Variants in SMC6 observed in about 807,000 individuals in gnomAD.
The protein encoded by SMC6 is structural maintenance of chromosomes protein 6.
SMC6 carries 79 observed loss-of-function variants against 142.2 expected under a neutral mutation model. That is an observed-to-expected ratio of 0.56 (90% confidence interval 0.46 to 0.67). The LOEUF (loss-of-function observed/expected upper bound fraction) is 0.67, where lower values mean the gene tolerates loss of function less well. SMC6 is among the 30% of genes least tolerant of loss of function. SMC6 has a pLI of 0.00. For missense variants in SMC6, 1,072 were observed against 1,284.0 expected (o/e 0.83, Z 2.52); for synonymous variants, 411 against 412.4 (o/e 1.00, Z 0.04).
At chr2:17,735,026 T>C (rs1397082062) in intron 5 of SMC6, among the ~76,000 whole-genome samples, 2 of 152,108 alleles carry the variant, frequency 1.3e-5, no homozygotes, top group African/African-American at 4.8e-5. Flanking sequence ...CCACAGTGCC[T>C]GGCCTGCTAT....
At chr2:17,731,591 T>TATG in intron 6 of SMC6, 150 bp downstream of exon 6, 1 of 704,748 alleles carries the variant, frequency 1.4e-6, no homozygotes, top group East Asian at 2.7e-5. Context: ...ATGTGTAACA[T>TATG]ATGCACGTGT....
At position 17,701,744 on chromosome 2, in the gene SMC6, T is replaced by C. The variant is rs765982768; in HGVS notation, c.2223+85A>G. On this transcript the variant is annotated intron_variant, in intron 20 of 27. Transcript: ENST00000448223. The stretch of plus-strand genomic sequence containing the variant: ...AGAGTAGCTTCAATTAAAAGAACTT[T>C]CTAAAAAAGCTGAGTTGATGCCATT... The C allele has an allele frequency of 6.1e-6, 5 of 813,684 alleles. No homozygotes were observed. The African/African-American group carries it at 8.9e-5, about 14-fold the overall frequency. 50.4% of individuals were successfully genotyped at this position (813,684 alleles called of 1,614,324 possible).
intron 26 of SMC6, among the ~76,000 whole-genome samples, chr2:17,668,880 A>G (rs1210282552): frequency 3.9e-5 from 6 of 152,208 alleles, no homozygotes; most frequent in Non-Finnish European, 7.3e-5. Flanking sequence ...TCCATATATA[A>G]TAACCTCCAA....
At chr2:17,743,328 G>T (rs999502726) in intron 3 of SMC6, among the ~76,000 whole-genome samples, 1 of 151,980 alleles carries the variant, frequency 6.6e-6, no homozygotes, top group African/African-American at 2.4e-5. Context: ...CATTTATTCA[G>T]GTATTCTTTG....
At chr2:17,731,638 T>C (rs943070097) in intron 6 of SMC6, 103 bp downstream of exon 6, 23 of 1,139,244 alleles carry the variant, frequency 2.0e-5, no homozygotes, top group Non-Finnish European at 2.9e-5. Context: ...ACACAACCAA[T>C]CATGTTACAA....
At chr2:17,747,793 C>T (rs542241050) in intron 2 of SMC6, among the ~76,000 whole-genome samples, 42 of 152,208 alleles carry the variant, frequency 2.8e-4, no homozygotes, top group African/African-American at 9.9e-4. Context: ...TGTGAGTCAT[C>T]ACGGCTGGCC....
intron 16 of SMC6, among the ~76,000 whole-genome samples, chr2:17,710,140 C>T (rs1668754048): frequency 6.6e-6 from 1 of 152,174 alleles, no homozygotes; most frequent in African/African-American, 2.4e-5. Flanking sequence ...GGGAGATCAG[C>T]CTGTGCAATT....
chr2:17,741,776 A>C, intron 3 of SMC6, 47 bp from the exon 4 acceptor site: 2 of 1,246,968 alleles, frequency 1.6e-6, no homozygotes, highest in Non-Finnish European at 2.3e-6. Flanking sequence ...TAATTCACTC[A>C]TTATAACCAT....
chr2:17,709,348 T>G (rs887647832), intron 16 of SMC6, among the ~76,000 whole-genome samples: 1 of 152,108 alleles, frequency 6.6e-6, no homozygotes, highest in Admixed American at 6.6e-5. Context: ...AGAGGAAATA[T>G]GAAAGAAAAG....
chr2:17,749,344 C>T (rs1037182921), intron 2 of SMC6, among the ~76,000 whole-genome samples: 3 of 152,022 alleles, frequency 2.0e-5, no homozygotes, highest in African/African-American at 7.2e-5. Context: ...TTCTCCCTTA[C>T]AGGATACAAG....
At chr2:17,706,122 T>C (rs1668495021) in intron 18 of SMC6, among the ~76,000 whole-genome samples, 1 of 152,178 alleles carries the variant, frequency 6.6e-6, no homozygotes. Flanking sequence ...CATTAAGTAT[T>C]TGTTGTTTGA....
intron 23 of SMC6, among the ~76,000 whole-genome samples, chr2:17,684,397 C>T (rs1448061789): frequency 6.6e-6 from 1 of 152,140 alleles, no homozygotes; most frequent in Non-Finnish European, 1.5e-5. Context: ...AAAAAACGCG[C>T]TGGCACAGCA....
intron 6 of SMC6, 85 bp from the exon 7 acceptor site, chr2:17,731,224 T>C (rs927911777): frequency 4.2e-5 from 37 of 886,236 alleles, no homozygotes; most frequent in Admixed American, 2.8e-4. Context: ...AAAATATAAA[T>C]ATTAGTTAGC....
chr2:17,676,495 T>C (rs76732720), intron 25 of SMC6, among the ~76,000 whole-genome samples: 1,951 of 152,298 alleles, frequency 0.013, 21 homozygotes, highest in East Asian at 0.03. Context: ...CCAATTTTAT[T>C]CTTCATTTTC....
intron 12 of SMC6, among the ~76,000 whole-genome samples, chr2:17,717,586 G>A (rs555659779): frequency 4.6e-5 from 7 of 152,170 alleles, no homozygotes; most frequent in African/African-American, 1.2e-4. Flanking sequence ...CAGGAAAATC[G>A]CTTAAACCCA....
intron 8 of SMC6, 128 bp from the exon 9 acceptor site, chr2:17,725,486 T>C: frequency 1.7e-6 from 1 of 583,402 alleles, no homozygotes; most frequent in Non-Finnish European, 2.9e-6. Context: ...ATTAAAAACG[T>C]AAGCAATCAC....
intron 23 of SMC6, among the ~76,000 whole-genome samples, chr2:17,691,313 G>GGT (rs770630585): frequency 0.014 from 1,428 of 101,632 alleles, 22 homozygotes; most frequent in African/African-American, 0.056. Flanking sequence ...ATAGTATTCT[G>GGT]GTGTGTGTGT....
rs912891198 is a variant in SMC6 at position 17,684,552 on chromosome 2, A to G, written c.2679-789T>C. 2.6e-5 allele frequency among the ~76,000 whole-genome samples: 4 copies of G among 152,308 alleles called. No homozygotes were observed. The East Asian group carries it at 7.7e-4, about 29-fold the overall frequency. On this transcript the variant is annotated intron_variant, in intron 23 of 27. Transcript: ENST00000448223. Reference sequence around the variant, plus strand: ...TAAAACAAAACAAGAGGCCAGTTGTATTGGCTCACACCTATAATCCCAGCA... The same window carrying G: ...TAAAACAAAACAAGAGGCCAGTTGTGTTGGCTCACACCTATAATCCCAGCA...
At chr2:17,749,267 G>A (rs559392679) in intron 2 of SMC6, among the ~76,000 whole-genome samples, 99 of 152,002 alleles carry the variant, frequency 6.5e-4, no homozygotes, top group Admixed American at 1.2e-3. Flanking sequence ...CATAAAGCTC[G>A]TCATAGTTTT....
Sources: gnomAD v4.1 joint callset for allele counts (sites outside exome capture counted in the v4.1 genomes callset) on GRCh38, gnomAD v4.1.1 for gene constraint, MANE v1.5 for transcripts, NCBI Gene and HGNC (gene_info 2026-07-23, HGNC 2026-07-21) for gene names.